GRAMD1B: variants seen among roughly 807,000 people sequenced by gnomAD.
GRAMD1B encodes GRAM domain containing 1B, also known as protein Aster-B.
Under a neutral mutation model 99.7 loss-of-function variants are expected in GRAMD1B, and 37 were observed. The observed-to-expected ratio is 0.37, with a 90% CI of 0.29 to 0.49. The LOEUF (loss-of-function observed/expected upper bound fraction) is 0.49. GRAMD1B is among the 20% of genes least tolerant of loss of function. The pLI, the probability that GRAMD1B is intolerant of heterozygous loss-of-function variation, is 0.98. For missense variants in GRAMD1B, 888 were observed against 1,009.2 expected, an observed-to-expected ratio of 0.88 and a Z score of 1.63; for synonymous variants, 427 against 387.6, an observed-to-expected ratio of 1.10 and a Z score of -1.19.
At chr11:123,594,950 T>G in intron 6 of GRAMD1B, 112 bp downstream of exon 6, 1 of 677,870 alleles carries the variant, frequency 1.5e-6, no homozygotes, top group South Asian at 1.7e-5. Context: ...TTTGCGTAAT[T>G]AACAAAAGCA....
rs1953419160 is a variant in GRAMD1B, at chr11:123,610,645, G to T, written c.1919+307G>T. Among the ~76,000 whole-genome samples the T allele has an allele frequency of 6.6e-6, 1 of 152,196 alleles. No individual in the cohort carries two copies. The highest frequency in any genetic ancestry group is 6.5e-5 in the Admixed American group (1 of 15,290). On this transcript the variant is annotated intron_variant, in intron 14 of 19. Coordinates refer to ENST00000635736, the MANE Select transcript of GRAMD1B (RefSeq NM_001387025.1). The surrounding 1 kb of genome is among the most constrained non-coding windows in gnomAD (Gnocchi z 4.1). ...GGAGTCTTTAGAACGACTCAAAGAG[G>T]TGGATTTATCTTCATTTTTCAGATA...
chr11:123,361,891 A>G (rs1946158569), intron 1 of GRAMD1B, among the ~76,000 whole-genome samples: 1 of 152,238 alleles, frequency 6.6e-6, no homozygotes, highest in South Asian at 2.1e-4. Flanking sequence ...GTATCTTAGG[A>G]AACGGGATGG....
chr11:123,580,145 A>C (rs1313869638), intron 3 of GRAMD1B, among the ~76,000 whole-genome samples: 1 of 152,192 alleles, frequency 6.6e-6, no homozygotes, highest in Admixed American at 6.5e-5. Context: ...TTGTGCCAGG[A>C]GGGACACTGT....
intron 2 of GRAMD1B, among the ~76,000 whole-genome samples, chr11:123,506,226 C>T (rs1165029007): frequency 3.9e-5 from 6 of 152,158 alleles, no homozygotes; most frequent in Non-Finnish European, 7.3e-5. Context: ...AGTTTCCTTG[C>T]AGCCCCACCT....
intron 3 of GRAMD1B, among the ~76,000 whole-genome samples, chr11:123,581,977 C>T (rs1949404799): frequency 6.6e-6 from 1 of 152,234 alleles, no homozygotes; most frequent in South Asian, 2.1e-4. Flanking sequence ...GTTCCTGTTG[C>T]CCCCTTTCCT....
chr11:123,433,685 T>C (rs200472564), intron 1 of GRAMD1B, among the ~76,000 whole-genome samples: 7 of 86,608 alleles, frequency 8.1e-5, no homozygotes, highest in East Asian at 2.6e-3. Context: ...CGTGCGTGTG[T>C]GTGTGTGTGT....
chr11:123,561,242 T>C (rs948729759), intron 2 of GRAMD1B, among the ~76,000 whole-genome samples: 5 of 152,136 alleles, frequency 3.3e-5, no homozygotes, highest in Admixed American at 2.6e-4. Context: ...GGACAGGCCA[T>C]GTGCTCCTGT....
At chr11:123,413,709 G>C (rs1008760627) in intron 1 of GRAMD1B, among the ~76,000 whole-genome samples, 2 of 152,122 alleles carry the variant, frequency 1.3e-5, no homozygotes, top group African/African-American at 4.8e-5. Flanking sequence ...GGTCATCCAG[G>C]ACCGCAGTCC....
chr11:123,368,176 C>T (rs1946384986), intron 1 of GRAMD1B, among the ~76,000 whole-genome samples: 1 of 150,246 alleles, frequency 6.7e-6, no homozygotes, highest in Non-Finnish European at 1.5e-5. Flanking sequence ...ATCATTTGAA[C>T]CCAGGAGGTG....
chr11:123,409,576 G>A (rs1038752170), intron 1 of GRAMD1B, among the ~76,000 whole-genome samples: 2 of 152,076 alleles, frequency 1.3e-5, no homozygotes, highest in African/African-American at 2.4e-5. Context: ...TCAATTATTC[G>A]TCTTTGGTTT....
At chr11:123,383,707 C>T (rs138767188) in intron 1 of GRAMD1B, among the ~76,000 whole-genome samples, 1 of 151,932 alleles carries the variant, frequency 6.6e-6, no homozygotes, top group Non-Finnish European at 1.5e-5. Flanking sequence ...AAATACACAT[C>T]TCCCTGATGT....
intron 3 of GRAMD1B, 30 bp downstream of exon 3, chr11:123,577,607 C>G (rs1441933537): frequency 6.6e-7 from 1 of 1,514,088 alleles, no homozygotes; most frequent in Non-Finnish European, 9.0e-7. Context: ...GGCGGTACCT[C>G]CTTGTCAGGG....
Position 123,492,355 on chromosome 11 carries a change from A to G in GRAMD1B, c.452+11462A>G, listed in dbSNP as rs1938645478. ...GGGTGTGGATCATTCTCTTCCACTT[A>G]CAGAGACCTAAGCAGTAGGTGTTTG... is the stretch of plus-strand genomic sequence containing the variant. On this transcript the variant is annotated intron_variant, in intron 2 of 19. Coordinates refer to ENST00000635736, the MANE Select transcript of GRAMD1B (RefSeq NM_001387025.1). The surrounding 1 kb of genome is among the most constrained non-coding windows in gnomAD (Gnocchi z 4.2). Among the ~76,000 whole-genome samples the G allele has an allele frequency of 6.6e-6, 1 of 152,102 alleles. No individual in the cohort carries two copies. Among genetic ancestry groups the G allele is most frequent in the African/African-American group, 2.4e-5 (1 of 41,414 alleles).
chr11:123,438,254 C>T (rs1437306254), intron 1 of GRAMD1B, among the ~76,000 whole-genome samples: 3 of 152,188 alleles, frequency 2.0e-5, no homozygotes, highest in African/African-American at 7.2e-5. Context: ...GATTAACATT[C>T]TCCTGGTCCA....
intron 2 of GRAMD1B, among the ~76,000 whole-genome samples, chr11:123,518,486 A>G (rs1224383169): frequency 6.6e-6 from 1 of 152,166 alleles, no homozygotes; most frequent in Non-Finnish European, 1.5e-5. Context: ...GGTGATCCCA[A>G]TGTATGGCCT....
chr11:123,599,126 T>C, intron 7 of GRAMD1B: 1 of 827,048 alleles, frequency 1.2e-6, no homozygotes, highest in Non-Finnish European at 2.2e-6. Context: ...GCTCCTCAAA[T>C]TCCACTGACA....
chr11:123,580,323 T>C (rs1949213227), intron 3 of GRAMD1B, among the ~76,000 whole-genome samples: 1 of 152,152 alleles, frequency 6.6e-6, no homozygotes, highest in African/African-American at 2.4e-5. Flanking sequence ...GGTAGCGGGA[T>C]GGGGACATGC....
intron 2 of GRAMD1B, among the ~76,000 whole-genome samples, chr11:123,563,514 T>C (rs1431695500): frequency 6.6e-6 from 1 of 151,458 alleles, no homozygotes; most frequent in Admixed American, 6.6e-5. Context: ...TTCTTTTTTT[T>C]TTTTTTCTTT....
rs1301800265 is a variant in GRAMD1B at position 123,433,329 on chromosome 11, G to A, written c.374+2163G>A. On this transcript the variant is annotated intron_variant, in intron 1 of 19. Coordinates refer to ENST00000635736, the MANE Select transcript of GRAMD1B (RefSeq NM_001387025.1). ...GGAGGTGGAGGTTGCAGTGAGCCAA[G>A]ATCGCGCCATTGCACTCCAGCCTGG... Among the ~76,000 whole-genome samples the A allele has an allele frequency of 2.6e-5, 4 of 152,176 alleles. No homozygotes were observed. The South Asian group carries it at 6.2e-4, about 24-fold the overall frequency.
Sources: gnomAD v4.1 joint callset for allele counts (sites outside exome capture counted in the v4.1 genomes callset) on GRCh38, gnomAD v4.1.1 for gene constraint, Gnocchi (gnomAD v3.1) non-coding constraint, MANE v1.5 for transcripts, NCBI Gene and HGNC (gene_info 2026-07-23, HGNC 2026-07-21) for gene names.